The following ACAD11 variants were observed in gnomAD, a reference collection of about 807,000 sequenced individuals.
The protein encoded by ACAD11 is acyl-CoA dehydrogenase family member 11.
ACAD11 carries 83 observed loss-of-function variants against 102.2 expected under a neutral mutation model. The ratio of observed to expected loss-of-function variants is 0.81; its 90% CI spans 0.68 to 0.97. The LOEUF is 0.97. Ranked by LOEUF, ACAD11 falls within the 50% of genes least tolerant of loss-of-function variation. The pLI is 0.00. For missense variants in ACAD11, 901 were observed against 951.7 expected, an observed-to-expected ratio of 0.95 and a Z score of 0.70; for synonymous variants, 324 against 319.8, an observed-to-expected ratio of 1.01 and a Z score of -0.14.
At chr3:132,575,728 A>G in intron 17 of ACAD11, 44 bp downstream of exon 17, 1 of 1,608,712 alleles carries the variant, frequency 6.2e-7, no homozygotes, top group African/African-American at 1.3e-5. Context: ...ATGTTAGTGT[A>G]GTGCACCGGG....
chr3:132,642,032 C>T lies in ACAD11; in HGVS notation c.477G>A (p.Leu159=), dbSNP rs768834967. The part of the protein sequence containing the change: ...TVETLAQLHS[L]NIQSLQLEGY... The stretch of plus-strand genomic sequence containing the variant: ...CTTCCAGCTGCAGTGACTGTATATT[C>T]AAGGAATGTAACTGAGCCAATGTTT... The change falls in exon 4 of 20, where the codon TTG becomes TTA. Residue 159 remains leucine (L), a synonymous_variant. Coordinates refer to ENST00000264990, the MANE Select transcript of ACAD11 (RefSeq NM_032169.5). 125 of 1,613,978 alleles carry T rather than the reference C, an allele frequency of 7.7e-5. No individual in the cohort carries two copies. In the Middle Eastern group the frequency reaches 1.5e-3, roughly 19 times the overall value.
rs770146394 is a variant in ACAD11, at chr3:132,639,656, C to T, written c.538G>A (p.Val180Ile). The T allele has an allele frequency of 1.9e-6, 3 of 1,605,180 alleles. No individual in the cohort carries two copies. The highest frequency in any genetic ancestry group is 8.5e-7 in the Non-Finnish European group (1 of 1,177,278). The change falls in exon 5 of 20, where the codon GTA becomes ATA. Residue 180 changes from valine (V) to isoleucine (I), a missense_variant and splice_region_variant. Physicochemically the swap from Val to Ile is conservative, Grantham distance 29. Coordinates refer to ENST00000264990, the MANE Select transcript of ACAD11 (RefSeq NM_032169.5). ...GIGAGYCKRQVSTWTKQYQAA... is the reference protein window; with the variant it reads ...GIGAGYCKRQISTWTKQYQAA... The stretch of plus-strand genomic sequence containing the variant: ...TGATATTGCTTTGTCCAGGTTGATA[C>T]CTAAAGACATATAAATAAGAAAAAT...
intron 11 of ACAD11, among the ~76,000 whole-genome samples, chr3:132,617,913 C>T (rs1939469050): frequency 6.6e-6 from 1 of 152,136 alleles, no homozygotes; most frequent in Non-Finnish European, 1.5e-5. Context: ...CCCCATATAA[C>T]AGCATGACTA....
intron 17 of ACAD11, 42 bp downstream of exon 17, chr3:132,575,730 T>C (rs1006265655): frequency 4.3e-6 from 7 of 1,609,810 alleles, no homozygotes; most frequent in Non-Finnish European, 5.9e-6. Context: ...GTTAGTGTAG[T>C]GCACCGGGCT....
intron 13 of ACAD11, among the ~76,000 whole-genome samples, chr3:132,586,633 C>T (rs1037126630): frequency 6.6e-6 from 1 of 152,056 alleles, no homozygotes; most frequent in African/African-American, 2.4e-5. Context: ...AGAGAAAAAC[C>T]ATTTTCTCTA....
chr3:132,562,086 G>A (rs6777072), intron 17 of ACAD11, among the ~76,000 whole-genome samples: 60,057 of 152,020 alleles, frequency 0.4, 14,516 homozygotes, highest in East Asian at 0.71. Context: ...AGGACATTTC[G>A]GTTGTTGCCA....
chr3:132,606,751 G>A (rs538129448), intron 11 of ACAD11, among the ~76,000 whole-genome samples: 6 of 152,316 alleles, frequency 3.9e-5, no homozygotes, highest in Admixed American at 2.0e-4. Context: ...AGGGAGCAGC[G>A]GATCTCCCAG....
chr3:132,634,602 C>T (rs1940197115), intron 5 of ACAD11, among the ~76,000 whole-genome samples: 1 of 152,132 alleles, frequency 6.6e-6, no homozygotes, highest in Non-Finnish European at 1.5e-5. Flanking sequence ...AAGACACATG[C>T]ACACGTATGT....
At chr3:132,613,655 T>G (rs559294536) in intron 11 of ACAD11, among the ~76,000 whole-genome samples, 20 of 152,168 alleles carry the variant, frequency 1.3e-4, no homozygotes, top group Non-Finnish European at 2.9e-5. Flanking sequence ...TCCCAGCACT[T>G]TGGGATGCCA....
intron 11 of ACAD11, among the ~76,000 whole-genome samples, chr3:132,614,439 A>G (rs1034223442): frequency 6.6e-6 from 1 of 152,242 alleles, no homozygotes; most frequent in Non-Finnish European, 1.5e-5. Flanking sequence ...ACGAGGCTAC[A>G]GTAACAAAAA....
At position 132,654,080 on chromosome 3, in the gene ACAD11, A is replaced by G. The variant is rs575046129; in HGVS notation, c.149+5523T>C. 9.9e-5 allele frequency among the ~76,000 whole-genome samples: 15 copies of G among 152,280 alleles called. No individual in the cohort carries two copies. The South Asian group carries it at 1.5e-3, about 15-fold the overall frequency. ...ATTTCCCCCTCAAATCTGCTTTTCT[A>G]TAGTCACCTACATTTCAGTTCACAA... is the stretch of plus-strand genomic sequence containing the variant. On this transcript the variant is annotated intron_variant, in intron 1 of 19. Transcript: ENST00000264990.
intron 13 of ACAD11, among the ~76,000 whole-genome samples, chr3:132,585,671 G>A (rs969435893): frequency 0.012 from 1,893 of 152,236 alleles, 40 homozygotes; most frequent in African/African-American, 0.043. Flanking sequence ...CCATCAAAAA[G>A]TGGGCAAAGG....
At chr3:132,561,355 A>T in intron 17 of ACAD11, 138 bp from the exon 18 acceptor site, 1 of 704,706 alleles carries the variant, frequency 1.4e-6, no homozygotes. Flanking sequence ...ATGTATTTTT[A>T]AATGGAAGAG....
chr3:132,609,451 T>C (rs1017173016), intron 11 of ACAD11, among the ~76,000 whole-genome samples: 1 of 151,974 alleles, frequency 6.6e-6, no homozygotes, highest in African/African-American at 2.4e-5. Context: ...AAAGGGGATA[T>C]CAACACTGAT....
intron 13 of ACAD11, 47 bp downstream of exon 13, chr3:132,603,182 A>G: frequency 7.1e-7 from 1 of 1,400,196 alleles, no homozygotes; most frequent in Non-Finnish European, 1.0e-6. Context: ...TAGCATCTGG[A>G]ACAAAGGATC....
chr3:132,641,405 G>C (rs186616184), intron 4 of ACAD11, among the ~76,000 whole-genome samples: 3 of 152,134 alleles, frequency 2.0e-5, no homozygotes, highest in African/African-American at 7.2e-5. Context: ...TTAGCAGGGC[G>C]TGATGGCGGG....
intron 13 of ACAD11, among the ~76,000 whole-genome samples, chr3:132,599,196 A>C (rs1005424945): frequency 6.6e-6 from 1 of 152,090 alleles, no homozygotes; most frequent in Non-Finnish European, 1.5e-5. Context: ...TCAATAAATA[A>C]ATAAATAAAT....
intron 11 of ACAD11, among the ~76,000 whole-genome samples, chr3:132,610,573 C>T (rs2107835703): frequency 6.6e-6 from 1 of 152,264 alleles, no homozygotes; most frequent in South Asian, 2.1e-4. Context: ...TACAAACTAC[C>T]ATCAGAGAAT....
chr3:132,559,990 C>T, intron 18 of ACAD11, 48 bp from the exon 19 acceptor site: 1 of 1,430,014 alleles, frequency 7.0e-7, no homozygotes, highest in Non-Finnish European at 9.7e-7. Flanking sequence ...AGACTATACA[C>T]AATGTGGCAA....
Sources: allele counts gnomAD v4.1 joint callset (sites outside exome capture counted in the v4.1 genomes callset), GRCh38; gene constraint gnomAD v4.1.1; transcripts MANE v1.5; gene names NCBI Gene and HGNC (gene_info 2026-07-23, HGNC 2026-07-21).